The following NAV2 variants were observed in gnomAD, a reference collection of about 807,000 sequenced individuals.
NAV2 encodes helicase, APC down-regulated 1.
NAV2 carries 54 observed loss-of-function variants against 223.2 expected under a neutral mutation model. That is an observed-to-expected ratio of 0.24 (90% confidence interval 0.19 to 0.30). The LOEUF is 0.30. Ranked by LOEUF, NAV2 falls within the 10% of genes least tolerant of loss-of-function variation. NAV2 has a pLI of 1.00. For synonymous variants in NAV2, 1,279 were observed against 1,239.3 expected (o/e 1.03, Z -0.67); for missense variants, 2,806 against 3,147.5 (o/e 0.89, Z 2.60).
At chr11:19,673,682 T>C (rs992411974) in intron 1 of NAV2, among the ~76,000 whole-genome samples, 5 of 152,228 alleles carry the variant, frequency 3.3e-5, no homozygotes, top group African/African-American at 1.2e-4. Context: ...TTGTGTGCCT[T>C]GTCTTCTGGT....
chr11:20,089,615 G>C (rs954728653), intron 26 of NAV2, among the ~76,000 whole-genome samples: 1 of 152,206 alleles, frequency 6.6e-6, no homozygotes, highest in African/African-American at 2.4e-5. Context: ...ACTTGAGAGT[G>C]GGGGTGTTTG....
intron 1 of NAV2, among the ~76,000 whole-genome samples, chr11:19,352,702 G>A (rs1240826478): frequency 2.6e-5 from 4 of 152,182 alleles, no homozygotes; most frequent in African/African-American, 9.7e-5. Flanking sequence ...ACTTGTGCTG[G>A]CAAAATAAGG....
At chr11:19,800,672 GGT>G (rs142402876) in intron 1 of NAV2, among the ~76,000 whole-genome samples, 14,753 of 145,604 alleles carry the variant, frequency 0.1, 781 homozygotes, top group African/African-American at 0.14. Context: ...AAGGAGAATG[GGT>G]GTGTGTGTGT....
At chr11:19,754,309 C>A (rs2054071095) in intron 1 of NAV2, among the ~76,000 whole-genome samples, 1 of 152,228 alleles carries the variant, frequency 6.6e-6, no homozygotes. Flanking sequence ...GAATAAGGTG[C>A]CTGTTACATG....
At chr11:19,620,229 A>G (rs1455614741) in intron 1 of NAV2, among the ~76,000 whole-genome samples, 2 of 152,118 alleles carry the variant, frequency 1.3e-5, no homozygotes, top group African/African-American at 4.8e-5. Context: ...CTTAGGATTG[A>G]CTTGGCAATG....
At chr11:20,054,826 G>A (rs1019627974) in intron 18 of NAV2, among the ~76,000 whole-genome samples, 2 of 152,188 alleles carry the variant, frequency 1.3e-5, no homozygotes, top group East Asian at 3.9e-4. Context: ...ACATGTCAAT[G>A]GAATTCTTTT....
At chr11:19,695,449 T>A (rs2113924) in intron 1 of NAV2, among the ~76,000 whole-genome samples, 106,346 of 151,740 alleles carry the variant, frequency 0.7, 40,251 homozygotes, top group East Asian at 0.95. Context: ...TGGCATTGTT[T>A]TCTGTCACAT....
Position 20,095,658 on chromosome 11 carries a change from T to G in NAV2, c.5917-14T>G. Reference sequence around the variant, plus strand: ...CCACCTGTTTTTCACCTGTGTACATTTCCTTACCCTTAGGATTCCAGACCA... The same window carrying G: ...CCACCTGTTTTTCACCTGTGTACATGTCCTTACCCTTAGGATTCCAGACCA... On this transcript the variant is annotated splice_polypyrimidine_tract_variant and intron_variant, in intron 29 of 37. Transcript: ENST00000349880. The G allele has an allele frequency of 6.3e-7, 1 of 1,595,642 alleles. No homozygotes were observed. Among genetic ancestry groups the G allele is most frequent in the Admixed American group, 1.7e-5 (1 of 59,998 alleles).
upstream of NAV2, among the ~76,000 whole-genome samples, chr11:19,348,416 C>T (rs944154814): frequency 6.6e-6 from 1 of 152,172 alleles, no homozygotes; most frequent in Admixed American, 6.5e-5. Flanking sequence ...AGTCAAACAG[C>T]AGTACTCCTT....
intron 1 of NAV2, among the ~76,000 whole-genome samples, chr11:19,792,601 C>T (rs940837799): frequency 5.3e-5 from 8 of 152,202 alleles, no homozygotes; most frequent in African/African-American, 1.9e-4. Flanking sequence ...GCAAACCTGC[C>T]AGCAATTACA....
chr11:19,507,841 A>G (rs190686627), intron 1 of NAV2, among the ~76,000 whole-genome samples: 19 of 152,262 alleles, frequency 1.2e-4, no homozygotes, highest in African/African-American at 4.6e-4. Context: ...GTTATCCTCA[A>G]GTTATAGATC....
chr11:19,764,564 A>G (rs1016801525), intron 1 of NAV2, among the ~76,000 whole-genome samples: 6 of 152,220 alleles, frequency 3.9e-5, no homozygotes, highest in Admixed American at 2.6e-4. Flanking sequence ...GGAGAGACAA[A>G]TGGAGAATTT....
At chr11:19,904,906 C>T (rs1184918856) in intron 6 of NAV2, among the ~76,000 whole-genome samples, 1 of 152,136 alleles carries the variant, frequency 6.6e-6, no homozygotes, top group Non-Finnish European at 1.5e-5. Flanking sequence ...TCTCAGATTG[C>T]TTGCAAATCT....
intron 17 of NAV2, among the ~76,000 whole-genome samples, chr11:20,051,704 T>C (rs895480375): frequency 3.3e-5 from 5 of 152,318 alleles, no homozygotes; most frequent in South Asian, 2.1e-4. Flanking sequence ...ACATGACTTA[T>C]AGCATACTGA....
Position 20,049,832 on chromosome 11 carries a change from C to G in NAV2, c.4371-4C>G. ...TCTTGTTTTCTACCTGCCTGGACTT[C>G]TAGCCCTCTCTCTTCCCCTGCTGCT... On this transcript the variant is annotated splice_polypyrimidine_tract_variant and splice_region_variant and intron_variant, in intron 15 of 37. Coordinates refer to ENST00000349880, the MANE Select transcript of NAV2 (RefSeq NM_145117.5). 1 of 1,614,028 alleles carries G rather than the reference C, an allele frequency of 6.2e-7. No homozygotes were observed. Among genetic ancestry groups the G allele is most frequent in the Non-Finnish European group, 8.5e-7 (1 of 1,179,878 alleles).
intron 11 of NAV2, among the ~76,000 whole-genome samples, chr11:19,992,643 A>T (rs1565719313): frequency 7.5e-6 from 1 of 134,024 alleles, no homozygotes; most frequent in Non-Finnish European, 1.5e-5. Context: ...GCTGGAGTGC[A>T]GTGACACGAT....
intron 1 of NAV2, among the ~76,000 whole-genome samples, chr11:19,556,816 A>ATATAGTTTTAT (rs1590515365): frequency 1.3e-5 from 2 of 152,348 alleles, no homozygotes; most frequent in East Asian, 3.9e-4. Flanking sequence ...AGCTAAAACT[A>ATATAGTTTTAT]CTGTTATTTG....
chr11:20,101,763 G>T (rs117998359), intron 32 of NAV2, among the ~76,000 whole-genome samples: 3,796 of 152,276 alleles, frequency 0.025, 59 homozygotes, highest in Admixed American at 0.037. Context: ...ATTGGCTCCT[G>T]CTTCACGGTG....
At chr11:19,351,993 G>GTGTA (rs1464923945) in intron 1 of NAV2, among the ~76,000 whole-genome samples, 51 of 151,644 alleles carry the variant, frequency 3.4e-4, no homozygotes, top group Non-Finnish European at 6.5e-4. Flanking sequence ...GTGTGTGTGT[G>GTGTA]TGTGTGTGTG....
Sources: gnomAD v4.1 joint callset for allele counts (sites outside exome capture counted in the v4.1 genomes callset) on GRCh38, gnomAD v4.1.1 for gene constraint, MANE v1.5 for transcripts, NCBI Gene and HGNC (gene_info 2026-07-23, HGNC 2026-07-21) for gene names.